The following SNTG1 variants were observed in gnomAD, a reference collection of about 807,000 sequenced individuals.
SNTG1 encodes the protein syntrophin gamma 1.
In SNTG1, 39 loss-of-function variants were observed where a neutral mutation model predicts 74.7. The ratio of observed to expected loss-of-function variants is 0.52; its 90% CI spans 0.40 to 0.68. SNTG1 has a LOEUF of 0.68. Ranked by LOEUF, SNTG1 falls within the 30% of genes least tolerant of loss-of-function variation. The probability of loss-of-function intolerance (pLI) is 0.00; values close to 1 mark genes in which losing one functional copy is unlikely to be tolerated. For missense variants in SNTG1, 685 were observed against 609.5 expected, an observed-to-expected ratio of 1.12 and a Z score of -1.30; for synonymous variants, 254 against 217.1, an observed-to-expected ratio of 1.17 and a Z score of -1.49.
chr8:50,581,682 G>T (rs1406120194), intron 12 of SNTG1, among the ~76,000 whole-genome samples: 1 of 152,118 alleles, frequency 6.6e-6, no homozygotes, highest in Non-Finnish European at 1.5e-5. Context: ...ATGCCACAGT[G>T]TATCAAGTGA....
intron 2 of SNTG1, among the ~76,000 whole-genome samples, chr8:50,296,209 T>A (rs1184942566): frequency 3.9e-5 from 6 of 152,150 alleles, no homozygotes; most frequent in Admixed American, 2.6e-4. Context: ...GTGTGGTGAT[T>A]CCTCAAGGAT....
chr8:50,606,657 G>A (rs139626897), intron 13 of SNTG1, among the ~76,000 whole-genome samples: 1 of 151,788 alleles, frequency 6.6e-6, no homozygotes, highest in Non-Finnish European at 1.5e-5. Flanking sequence ...CTGATCATAG[G>A]GGAAATCATT....
At chr8:49,977,560 A>G (rs1372408175) in intron 1 of SNTG1, among the ~76,000 whole-genome samples, 2 of 152,214 alleles carry the variant, frequency 1.3e-5, no homozygotes, top group African/African-American at 4.8e-5. Context: ...GTAGGAAAAC[A>G]GAGCAGCAAA....
chr8:49,979,518 C>T (rs1432706399), intron 1 of SNTG1, among the ~76,000 whole-genome samples: 2 of 152,194 alleles, frequency 1.3e-5, no homozygotes, highest in East Asian at 1.9e-4. Flanking sequence ...TCCCCCCGAT[C>T]CTCCTCACCC....
At chr8:49,929,720 AT>A (rs527259628) in intron 1 of SNTG1, among the ~76,000 whole-genome samples, 5 of 151,732 alleles carry the variant, frequency 3.3e-5, no homozygotes, top group South Asian at 4.2e-4. Context: ...TTTTTTTTTA[AT>A]TTTTTTTATT....
At chr8:50,727,981 C>T (rs985593655) in intron 17 of SNTG1, among the ~76,000 whole-genome samples, 1 of 152,108 alleles carries the variant, frequency 6.6e-6, no homozygotes, top group African/African-American at 2.4e-5. Flanking sequence ...TTAGAAGCAC[C>T]AGAAAGCACC....
intron 4 of SNTG1, among the ~76,000 whole-genome samples, chr8:50,421,742 T>A (rs2093090535): frequency 1.3e-5 from 2 of 152,112 alleles, no homozygotes; most frequent in African/African-American, 4.8e-5. Flanking sequence ...TGCTGAAAGA[T>A]CACTGACATG....
intron 13 of SNTG1, among the ~76,000 whole-genome samples, chr8:50,634,426 G>T (rs1234230862): frequency 1.3e-5 from 2 of 152,074 alleles, no homozygotes; most frequent in African/African-American, 4.8e-5. Context: ...TCATCTTTGA[G>T]CTTTTCAAAC....
At chr8:50,220,179 C>A (rs543813542) in intron 2 of SNTG1, among the ~76,000 whole-genome samples, 255 of 152,110 alleles carry the variant, frequency 1.7e-3, no homozygotes, top group Non-Finnish European at 3.0e-3. Context: ...ATACCACAAT[C>A]CTCAACATCA....
chr8:50,066,456 A>G (rs1820909142), intron 1 of SNTG1, among the ~76,000 whole-genome samples: 1 of 152,162 alleles, frequency 6.6e-6, no homozygotes, highest in East Asian at 1.9e-4. Flanking sequence ...TGGAGTAGCA[A>G]CTTTCTGGAA....
chr8:50,086,913 T>C (rs1369906881), intron 1 of SNTG1, among the ~76,000 whole-genome samples: 7 of 152,176 alleles, frequency 4.6e-5, no homozygotes, highest in South Asian at 4.1e-4. Flanking sequence ...TAAAGGTTTT[T>C]TAAACATTGG....
At chr8:50,420,823 A>G (rs2093072420) in intron 4 of SNTG1, among the ~76,000 whole-genome samples, 1 of 151,912 alleles carries the variant, frequency 6.6e-6, no homozygotes, top group East Asian at 1.9e-4. Context: ...CCAAGAGATC[A>G]AGACCATCTT....
Position 50,654,581 on chromosome 8 carries a change from T to C in SNTG1, c.850-2328T>C, listed in dbSNP as rs185442486. ...TGCTGTCTATTGTTTTTATTCTTCATGTTATTCTCCTGATGTACTTCATGA... is the reference window on the plus strand; with the variant it reads ...TGCTGTCTATTGTTTTTATTCTTCACGTTATTCTCCTGATGTACTTCATGA... On this transcript the variant is annotated intron_variant, in intron 13 of 18. Transcript: ENST00000642720. Among the ~76,000 whole-genome samples, 5 of 152,348 alleles carry C rather than the reference T, an allele frequency of 3.3e-5. No homozygotes were observed. In the East Asian group the frequency reaches 9.6e-4, roughly 29 times the overall value.
intron 15 of SNTG1, among the ~76,000 whole-genome samples, chr8:50,699,185 AC>A (rs2095415203): frequency 6.7e-6 from 1 of 148,218 alleles, no homozygotes; most frequent in South Asian, 2.2e-4. Flanking sequence ...TCAATATTTA[AC>A]AGGGAAAAAG....
At chr8:50,415,264 T>C (rs575219497) in intron 4 of SNTG1, among the ~76,000 whole-genome samples, 4 of 152,164 alleles carry the variant, frequency 2.6e-5, no homozygotes, top group Non-Finnish European at 5.9e-5. Flanking sequence ...TACAGTCTTA[T>C]GAAGTTTATA....
At chr8:50,383,812 C>T (rs879417405) in intron 2 of SNTG1, among the ~76,000 whole-genome samples, 2 of 152,116 alleles carry the variant, frequency 1.3e-5, no homozygotes, top group Admixed American at 1.3e-4. Context: ...CTGGAGCAGC[C>T]CAATTTCCCT....
chr8:49,982,104 C>T (rs2130154329), intron 1 of SNTG1, among the ~76,000 whole-genome samples: 1 of 152,226 alleles, frequency 6.6e-6, no homozygotes, highest in East Asian at 1.9e-4. Context: ...TCTTATGTCT[C>T]CTTTAAGTTA....
chr8:50,502,125 T>G (rs6473181), intron 8 of SNTG1, among the ~76,000 whole-genome samples: 12,972 of 152,166 alleles, frequency 0.085, 1,257 homozygotes, highest in African/African-American at 0.24. Context: ...TGAGAGTTAT[T>G]GATAATAACA....
chr8:50,644,857 C>G (rs1585939751), intron 13 of SNTG1, among the ~76,000 whole-genome samples: 1 of 151,596 alleles, frequency 6.6e-6, no homozygotes, highest in South Asian at 2.1e-4. Context: ...ACATTACTCT[C>G]TTGCCTTTTG....
Sources: allele counts gnomAD v4.1 joint callset (sites outside exome capture counted in the v4.1 genomes callset), GRCh38; gene constraint gnomAD v4.1.1; transcripts MANE v1.5; gene names NCBI Gene and HGNC (gene_info 2026-07-23, HGNC 2026-07-21).